The following REPS1 variants were observed in gnomAD, a reference collection of about 807,000 sequenced individuals.
The protein encoded by REPS1 is RALBP1 associated Eps domain containing 1.
A neutral mutation model predicts 100.9 loss-of-function variants in REPS1; 39 were observed. The observed-to-expected ratio is 0.39, with a 90% CI of 0.30 to 0.50. The LOEUF (loss-of-function observed/expected upper bound fraction) is 0.50, where lower values mean the gene tolerates loss of function less well. Among genes scored for constraint, REPS1 ranks in the 20% least tolerant of loss-of-function variants. The pLI, the probability that REPS1 is intolerant of heterozygous loss-of-function variation, is 0.86. For missense variants in REPS1, 821 were observed against 968.5 expected (o/e 0.85, Z 2.02); for synonymous variants, 324 against 340.3 (o/e 0.95, Z 0.53).
chr6:138,976,199 G>A (rs1363998580), intron 1 of REPS1, among the ~76,000 whole-genome samples: 1 of 152,108 alleles, frequency 6.6e-6, no homozygotes. Flanking sequence ...TATACTCTTA[G>A]TTTCCAGACA....
intron 1 of REPS1, among the ~76,000 whole-genome samples, chr6:138,969,613 TG>T (rs1379737975): frequency 4.6e-5 from 7 of 151,944 alleles, no homozygotes; most frequent in Non-Finnish European, 1.0e-4. Flanking sequence ...AGCATCAAAA[TG>T]GTTGGCAACC....
intron 1 of REPS1, among the ~76,000 whole-genome samples, chr6:138,961,213 A>T (rs981737275): frequency 1.3e-5 from 2 of 152,206 alleles, no homozygotes; most frequent in Non-Finnish European, 2.9e-5. Context: ...ATGTATGCTT[A>T]GGGTCAAATT....
rs1364608647 is a variant in REPS1, at chr6:138,987,907, C to CGCGGTT, written c.-226_-225insAACCGC. On this transcript the variant is annotated 5_prime_UTR_variant, in exon 1 of 20. Transcript: ENST00000450536. ...GCGCCGCTGCCTGCGAGGCCCGGCG[C>CGCGGTT]GCGGCTGCGGCTGCGGCTGCGACTA... 1 of 399,866 alleles carries CGCGGTT rather than the reference C, an allele frequency of 2.5e-6. No individual in the cohort carries two copies. Among genetic ancestry groups the CGCGGTT allele is most frequent in the Non-Finnish European group, 4.2e-6 (1 of 237,080 alleles). The allele number at this position is 399,866 out of a possible 1,614,324, so 24.8% of individuals were successfully genotyped here. A position where few individuals can be genotyped will look rare whatever the true frequency, so the allele number is the denominator to read the frequency against.
At chr6:138,962,409 T>A (rs1029326801) in intron 1 of REPS1, among the ~76,000 whole-genome samples, 5 of 151,886 alleles carry the variant, frequency 3.3e-5, no homozygotes, top group Non-Finnish European at 5.9e-5. Context: ...TACATATTTT[T>A]TATATATATA....
rs1350041367 is a variant in REPS1, at chr6:138,988,083, G to A, written c.-401C>T. ...CCGATTCCCCCAGACTTCCCGCCTC[G>A]GCTTCCCCTTCCGTCCACGCCTCCG... is the stretch of plus-strand genomic sequence containing the variant. On this transcript the variant is annotated 5_prime_UTR_variant, in exon 1 of 20. Transcript: ENST00000450536. 1.3e-5 allele frequency: 5 copies of A among 397,906 alleles called. No individual in the cohort carries two copies. The highest frequency in any genetic ancestry group is 1.8e-5 in the Non-Finnish European group (4 of 225,690). 24.6% of individuals were successfully genotyped at this position (397,906 alleles called of 1,614,324 possible). A position where few individuals can be genotyped will look rare whatever the true frequency, so the allele number is the denominator to read the frequency against.
chr6:138,983,578 G>A (rs772535829), intron 1 of REPS1, among the ~76,000 whole-genome samples: 23 of 152,168 alleles, frequency 1.5e-4, no homozygotes, highest in Non-Finnish European at 3.1e-4. Context: ...ATAGGCACTC[G>A]ATAAATGCCA....
In REPS1 at chr6:138,988,132, T is replaced by C. The variant is rs1011906274; in HGVS notation, c.-450A>G. The stretch of plus-strand genomic sequence containing the variant: ...CGGAGCGGCAGCGCTTCCCGGAAAG[T>C]TGTGGGGCTTCGAACCTAAAGTTTC... On this transcript the variant is annotated 5_prime_UTR_variant, in exon 1 of 20. Transcript: ENST00000450536. 355 of 397,992 alleles carry C rather than the reference T, an allele frequency of 8.9e-4. 2 individuals are homozygous for C. The East Asian group carries it at 0.013, about 14-fold the overall frequency. The allele number at this position is 397,992 out of a possible 1,614,324, so 24.7% of individuals were successfully genotyped here.
chr6:138,911,021 A>G (rs1245701709), intron 17 of REPS1: 2 of 288,996 alleles, frequency 6.9e-6, no homozygotes, highest in African/African-American at 2.2e-5. Flanking sequence ...TTTCACCTAT[A>G]AAGAAGTTCT....
Position 138,945,381 on chromosome 6 carries a change from G to C in REPS1, c.475-9C>G. On this transcript the variant is annotated splice_polypyrimidine_tract_variant and intron_variant, in intron 3 of 19. Coordinates refer to ENST00000450536, the MANE Select transcript of REPS1 (RefSeq NM_001286611.2). ...ACTGGGGATGCAGGTTCCTAGAAAA[G>C]AATATTATTTTAAAATTTTAACTTT... 1 of 1,591,126 alleles carries C rather than the reference G, an allele frequency of 6.3e-7. No individual in the cohort carries two copies.
At chr6:138,906,813 T>C (rs1779681880) in intron 19 of REPS1, among the ~76,000 whole-genome samples, 2 of 152,202 alleles carry the variant, frequency 1.3e-5, no homozygotes, top group Admixed American at 1.3e-4. Flanking sequence ...CATTTTAACA[T>C]GACCCAAGAT....
chr6:138,932,266 T>C (rs1053130959), intron 8 of REPS1, among the ~76,000 whole-genome samples: 2 of 150,472 alleles, frequency 1.3e-5, no homozygotes, highest in East Asian at 1.9e-4. Flanking sequence ...ATAGAGTTAT[T>C]TTCCTAGAGT....
intron 1 of REPS1, among the ~76,000 whole-genome samples, chr6:138,958,752 T>C (rs192982562): frequency 0.011 from 1,751 of 152,368 alleles, 23 homozygotes; most frequent in Non-Finnish European, 0.015. Context: ...TAATAATCTG[T>C]GACTTTTTTC....
intron 1 of REPS1, among the ~76,000 whole-genome samples, chr6:138,949,915 C>A (rs1782905782): frequency 1.3e-5 from 2 of 152,056 alleles, no homozygotes; most frequent in African/African-American, 4.8e-5. Context: ...TAGGCAGAAA[C>A]CAGATCATAT....
intron 1 of REPS1, among the ~76,000 whole-genome samples, chr6:138,985,777 T>C (rs1785223926): frequency 6.6e-6 from 1 of 152,258 alleles, no homozygotes; most frequent in Non-Finnish European, 1.5e-5. Flanking sequence ...TTAAACATGT[T>C]TGAAGTAAAG....
chr6:138,949,042 T>C (rs1259315550), intron 1 of REPS1, among the ~76,000 whole-genome samples: 2 of 152,252 alleles, frequency 1.3e-5, no homozygotes, highest in Non-Finnish European at 2.9e-5. Context: ...AAGGGAACTA[T>C]GAGGAAAAGG....
At chr6:138,981,180 A>C (rs1784930202) in intron 1 of REPS1, among the ~76,000 whole-genome samples, 1 of 152,236 alleles carries the variant, frequency 6.6e-6, no homozygotes, top group Non-Finnish European at 1.5e-5. Context: ...ACAGCCCAAA[A>C]GAGACAGACT....
intron 4 of REPS1, among the ~76,000 whole-genome samples, chr6:138,944,959 T>C (rs1325074340): frequency 2.6e-5 from 4 of 152,242 alleles, no homozygotes; most frequent in Non-Finnish European, 5.9e-5. Flanking sequence ...TTTCCATAGT[T>C]GGTTTTTGCT....
chr6:138,974,342 G>C (rs1784487724), intron 1 of REPS1, among the ~76,000 whole-genome samples: 1 of 152,082 alleles, frequency 6.6e-6, no homozygotes, highest in South Asian at 2.1e-4. Flanking sequence ...TTATTACAAG[G>C]ATTAAATGAG....
intron 3 of REPS1, 31 bp from the exon 4 acceptor site, chr6:138,945,403 C>T: frequency 6.3e-7 from 1 of 1,590,854 alleles, no homozygotes; most frequent in Non-Finnish European, 8.5e-7. Context: ...AAAATTTTAA[C>T]TTTAAGGAGA....
Sources: gnomAD v4.1 joint callset for allele counts (sites outside exome capture counted in the v4.1 genomes callset) on GRCh38, gnomAD v4.1.1 for gene constraint, MANE v1.5 for transcripts, NCBI Gene and HGNC (gene_info 2026-07-23, HGNC 2026-07-21) for gene names.